Variants in PI4KA observed in about 807,000 individuals in gnomAD.
PI4KA encodes phosphatidylinositol 4-kinase alpha, also known as PI4-kinase alpha.
Under a neutral mutation model 271.4 loss-of-function variants are expected in PI4KA, and 122 were observed. The observed-to-expected ratio is 0.45, with a 90% CI of 0.39 to 0.52. The LOEUF is 0.52. Among genes scored for constraint, PI4KA ranks in the 20% least tolerant of loss-of-function variants. PI4KA has a pLI of 0.00. For synonymous variants in PI4KA, 1,041 were observed against 1,078.8 expected, an observed-to-expected ratio of 0.96 and a Z score of 0.69; for missense variants, 1,969 against 2,769.1, an observed-to-expected ratio of 0.71 and a Z score of 6.48.
intron 19 of PI4KA, among the ~76,000 whole-genome samples, chr22:20,774,518 T>C (rs1197600569): frequency 6.6e-6 from 1 of 152,092 alleles, no homozygotes; most frequent in African/African-American, 2.4e-5. Context: ...ATCCCAACAC[T>C]TTGGGAGGCC....
At position 20,710,001 on chromosome 22, in the gene PI4KA, G is replaced by T; in HGVS notation, c.6084-4C>A. ...GACGACCGCGTCCATGTAGGGCCTG[G>T]GGAGAGATAGGAGGGAGCGGTGGGC... On this transcript the variant is annotated splice_polypyrimidine_tract_variant and splice_region_variant and intron_variant, in intron 52 of 54. Transcript: ENST00000255882. 1 of 1,605,048 alleles carries T rather than the reference G, an allele frequency of 6.2e-7. No homozygotes were observed. The highest frequency in any genetic ancestry group is 1.1e-5 in the South Asian group (1 of 90,902).
At position 20,848,779 on chromosome 22, in the gene PI4KA, T is replaced by A. The variant is rs1175917356; in HGVS notation, c.156+9791A>T. Among the ~76,000 whole-genome samples the A allele has an allele frequency of 2.6e-5, 4 of 151,720 alleles. No individual in the cohort carries two copies. In the East Asian group the frequency reaches 7.7e-4, roughly 29 times the overall value. ...TCTTTGTGACCTTGAAATTAGACAG[T>A]GGTTTCTTAGATACAACACAAAAAG... On this transcript the variant is annotated intron_variant, in intron 1 of 54. Coordinates refer to ENST00000255882, the MANE Select transcript of PI4KA (RefSeq NM_058004.4).
intron 23 of PI4KA, among the ~76,000 whole-genome samples, chr22:20,754,125 T>C (rs1214670334): frequency 6.6e-6 from 1 of 152,210 alleles, no homozygotes; most frequent in East Asian, 1.9e-4. Context: ...CTCACTTTGT[T>C]GCCCAGTCTG....
intron 18 of PI4KA, among the ~76,000 whole-genome samples, chr22:20,793,711 C>T (rs1056400359): frequency 1.3e-5 from 2 of 152,166 alleles, no homozygotes; most frequent in African/African-American, 4.8e-5. Context: ...GGGATAAGTG[C>T]TTTTTACTTT....
At chr22:20,768,756 G>C (rs1394872041) in intron 19 of PI4KA, among the ~76,000 whole-genome samples, 1 of 152,150 alleles carries the variant, frequency 6.6e-6, no homozygotes, top group Non-Finnish European at 1.5e-5. Context: ...GCAGGCTCTG[G>C]GTAGGTGCTG....
chr22:20,852,498 T>C (rs546743285), intron 1 of PI4KA, among the ~76,000 whole-genome samples: 2 of 152,340 alleles, frequency 1.3e-5, no homozygotes, highest in African/African-American at 4.8e-5. Context: ...CTGTGGTACT[T>C]TGTTATGGCA....
In PI4KA at chr22:20,858,544, C is replaced by G. The variant is rs1021079722; in HGVS notation, c.156+26G>C. On this transcript the variant is annotated intron_variant, in intron 1 of 54. Coordinates refer to ENST00000255882, the MANE Select transcript of PI4KA (RefSeq NM_058004.4). Reference sequence around the variant, plus strand: ...TCACCCCAGCCCCTCCTCCTGTCAGCCCGCGGCCCAGCCCGCCGACGTTAC... The same window carrying G: ...TCACCCCAGCCCCTCCTCCTGTCAGGCCGCGGCCCAGCCCGCCGACGTTAC... 4.4e-6 allele frequency: 6 copies of G among 1,349,930 alleles called. No individual in the cohort carries two copies. In the African/African-American group the frequency reaches 9.0e-5, roughly 20 times the overall value. 83.6% of individuals were successfully genotyped at this position (1,349,930 alleles called of 1,614,324 possible). A position where few individuals can be genotyped will look rare whatever the true frequency, so the allele number is the denominator to read the frequency against.
chr22:20,782,661 T>A (rs952845396), intron 19 of PI4KA, among the ~76,000 whole-genome samples: 1 of 152,138 alleles, frequency 6.6e-6, no homozygotes. Context: ...AGCAATTTTG[T>A]CCCCAAGGTC....
chr22:20,813,095 T>C (rs1385530802), intron 8 of PI4KA, among the ~76,000 whole-genome samples: 1 of 152,220 alleles, frequency 6.6e-6, no homozygotes, highest in Non-Finnish European at 1.5e-5. Context: ...ATCCATGACG[T>C]GTTTGACACC....
At chr22:20,724,721 C>T (rs546806933) in intron 42 of PI4KA, among the ~76,000 whole-genome samples, 3 of 152,246 alleles carry the variant, frequency 2.0e-5, no homozygotes, top group East Asian at 3.9e-4. Context: ...TCATTTCAGG[C>T]GGCCTTTCTC....
At chr22:20,710,329 G>T (rs1485468074) in intron 52 of PI4KA, 1 of 527,248 alleles carries the variant, frequency 1.9e-6, no homozygotes, top group Admixed American at 3.2e-5. Flanking sequence ...GATGAACCCA[G>T]GTTGGACTGT....
intron 32 of PI4KA, among the ~76,000 whole-genome samples, chr22:20,740,282 A>G (rs1929268462): frequency 6.6e-6 from 1 of 151,770 alleles, no homozygotes; most frequent in Non-Finnish European, 1.5e-5. Context: ...AAAATTAACC[A>G]AATGAAAGAG....
intron 32 of PI4KA, chr22:20,736,362 G>A (rs2147261724): frequency 6.6e-6 from 1 of 151,440 alleles, no homozygotes; most frequent in South Asian, 2.1e-4. Flanking sequence ...GAGAGAGGAT[G>A]GAAGTCAGGT....
intron 1 of PI4KA, among the ~76,000 whole-genome samples, chr22:20,849,796 G>C (rs1926732694): frequency 6.6e-6 from 1 of 152,190 alleles, no homozygotes; most frequent in African/African-American, 2.4e-5. Context: ...AGAGCTTGCA[G>C]TGAGCCGAGA....
At chr22:20,834,444 C>T in intron 3 of PI4KA, 118 bp downstream of exon 3, 1 of 718,606 alleles carries the variant, frequency 1.4e-6, no homozygotes. Flanking sequence ...CAGTTGTTTC[C>T]CAGCCAGGAG....
intron 13 of PI4KA, among the ~76,000 whole-genome samples, chr22:20,802,939 T>A (rs1037562175): frequency 2.0e-5 from 3 of 152,156 alleles, no homozygotes; most frequent in African/African-American, 7.2e-5. Context: ...AGGATTTGCA[T>A]TTCAGACTTC....
intron 3 of PI4KA, among the ~76,000 whole-genome samples, chr22:20,829,736 G>T (rs1297318031): frequency 6.6e-6 from 1 of 151,970 alleles, no homozygotes; most frequent in African/African-American, 2.4e-5. Flanking sequence ...AGTTCCTCTA[G>T]TTGTGATGTT....
chr22:20,769,256 G>A (rs187970805), intron 19 of PI4KA, among the ~76,000 whole-genome samples: 2 of 152,318 alleles, frequency 1.3e-5, no homozygotes, highest in East Asian at 1.9e-4. Flanking sequence ...TCTTGAGGAC[G>A]TTGGCTTGAA....
chr22:20,839,885 A>C (rs1041213766), intron 1 of PI4KA, among the ~76,000 whole-genome samples: 2 of 152,176 alleles, frequency 1.3e-5, no homozygotes, highest in Admixed American at 1.3e-4. Flanking sequence ...GCATATAGTA[A>C]ATGCTCAATA....
Sources: allele counts gnomAD v4.1 joint callset (sites outside exome capture counted in the v4.1 genomes callset), GRCh38; gene constraint gnomAD v4.1.1; transcripts MANE v1.5; gene names NCBI Gene and HGNC (gene_info 2026-07-23, HGNC 2026-07-21).